The following UGT1A7 variants were observed in gnomAD, a reference collection of about 807,000 sequenced individuals.
UGT1A7 encodes the protein UDP-glucuronosyltransferase 1A7.
A neutral mutation model predicts 45.6 loss-of-function variants in UGT1A7; 33 were observed. That is an observed-to-expected ratio of 0.72 (90% confidence interval 0.55 to 0.97). The LOEUF is 0.97. Ranked by LOEUF, UGT1A7 falls within the 50% of genes least tolerant of loss-of-function variation. UGT1A7 has a pLI of 0.00. For synonymous variants in UGT1A7, 274 were observed against 250.6 expected (o/e 1.09, Z -0.88); for missense variants, 684 against 666.2 (o/e 1.03, Z -0.29).
intron 1 of UGT1A7, among the ~76,000 whole-genome samples, chr2:233,738,389 G>A (rs1690778060): frequency 6.6e-6 from 1 of 152,226 alleles, no homozygotes; most frequent in Non-Finnish European, 1.5e-5. Context: ...AAATGTGGAA[G>A]TGACTTGGAA....
intron 1 of UGT1A7, among the ~76,000 whole-genome samples, chr2:233,759,163 C>T (rs28899472): frequency 0.024 from 3,618 of 152,322 alleles, 42 homozygotes; most frequent in Non-Finnish European, 0.031. Flanking sequence ...GAACACAAGG[C>T]AGGCAGGTTT....
At chr2:233,725,059 C>T (rs1273678780) in intron 1 of UGT1A7, among the ~76,000 whole-genome samples, 8 of 146,980 alleles carry the variant, frequency 5.4e-5, no homozygotes, top group African/African-American at 1.0e-4. Flanking sequence ...TGGCGGCGCG[C>T]GCCTGCAATC....
chr2:233,746,290 CTT>C (rs1389294286), intron 1 of UGT1A7, among the ~76,000 whole-genome samples: 2 of 151,596 alleles, frequency 1.3e-5, no homozygotes, highest in Non-Finnish European at 2.9e-5. Flanking sequence ...AGGAAGGTGG[CTT>C]TGTTTCCCTT....
Position 233,757,558 on chromosome 2 carries a change from A to ATATATATATG in UGT1A7, c.856-9473_856-9472insATATATGTAT, listed in dbSNP as rs1553619909. ...GGAATATATATATATATATATATAT[A>ATATATATATG]TATGTATATATGATATAGCTATAGT... On this transcript the variant is annotated intron_variant, in intron 1 of 4. Transcript: ENST00000373426. 2.4e-5 allele frequency among the ~76,000 whole-genome samples: 3 copies of ATATATATATG among 124,458 alleles called. No homozygotes were observed. In the East Asian group the frequency reaches 6.3e-4, roughly 26 times the overall value. 81.6% of individuals were successfully genotyped at this position (124,458 alleles called of 152,430 possible). A position where few individuals can be genotyped will look rare whatever the true frequency, so the allele number is the denominator to read the frequency against.
In UGT1A7 at chr2:233,754,904, A is replaced by C. The variant is rs113535606; in HGVS notation, c.856-12130A>C. On this transcript the variant is annotated intron_variant, in intron 1 of 4. Coordinates refer to ENST00000373426, the MANE Select transcript of UGT1A7 (RefSeq NM_019077.3). ...CCAGGGAGTTCCTCTGACCCCCCAA[A>C]ATATTCTCCAGCGGGTTTCCCAAGA... 1.2e-5 allele frequency: 16 copies of C among 1,351,372 alleles called. No homozygotes were observed. In the African/African-American group the frequency reaches 1.3e-4, roughly 11 times the overall value. The allele number at this position is 1,351,372 out of a possible 1,614,324, so 83.7% of individuals were successfully genotyped here. A position where few individuals can be genotyped will look rare whatever the true frequency, so the allele number is the denominator to read the frequency against.
chr2:233,727,233 T>C (rs17864698), intron 1 of UGT1A7, among the ~76,000 whole-genome samples: 72 of 152,246 alleles, frequency 4.7e-4, no homozygotes, highest in Non-Finnish European at 7.8e-4. Context: ...TGCGGATGGC[T>C]CCAAGTCTAT....
At position 233,768,369 on chromosome 2, in the gene UGT1A7, A is replaced by T. The variant is rs1156645272; in HGVS notation, c.1225A>T (p.Thr409Ser). 8.1e-6 allele frequency: 13 copies of T among 1,614,034 alleles called. No homozygotes were observed. The South Asian group carries it at 1.1e-4, about 14-fold the overall frequency. Residue 409 changes from threonine to serine, a missense_variant, in exon 4 of 5, where the codon ACC (threonine) becomes TCC (serine). Thr to Ser is a moderately conservative substitution (Grantham distance 58). Coordinates refer to ENST00000373426, the MANE Select transcript of UGT1A7 (RefSeq NM_019077.3). ...CATGGAGACTAAGGGAGCTGGAGTG[A>T]CCCTGAATGTTCTGGAAATGACTTC... Reference protein sequence around the residue: ...KRMETKGAGVTLNVLEMTSED... With the variant: ...KRMETKGAGVSLNVLEMTSED...
rs1226990386 is a variant in UGT1A7, at chr2:233,682,569, T to C, written c.632T>C (p.Ile211Thr). ...MTFKERVWNH[I>T]MHLEEHLFCP... ...TTCAAGGAGAGAGTATGGAACCACA[T>C]CATGCACTTGGAGGAACATTTATTT... The change falls in exon 1 of 5, where the codon ATC (isoleucine) becomes ACC (threonine). Residue 211 changes from isoleucine (I) to threonine (T), a missense_variant. Ile to Thr is a moderately conservative substitution (Grantham distance 89). Coordinates refer to ENST00000373426, the MANE Select transcript of UGT1A7 (RefSeq NM_019077.3). The C allele has an allele frequency of 4.3e-6, 7 of 1,613,850 alleles. No homozygotes were observed. The highest frequency in any genetic ancestry group is 5.9e-6 in the Non-Finnish European group (7 of 1,179,846).
chr2:233,708,284 A>C (rs1440900276), intron 1 of UGT1A7, among the ~76,000 whole-genome samples: 1 of 152,172 alleles, frequency 6.6e-6, no homozygotes, highest in Non-Finnish European at 1.5e-5. Flanking sequence ...ATTATCATCA[A>C]ATGCTTTCAG....
intron 1 of UGT1A7, among the ~76,000 whole-genome samples, chr2:233,710,674 T>G (rs938811866): frequency 9.9e-5 from 15 of 152,206 alleles, no homozygotes; most frequent in Non-Finnish European, 2.2e-4. Context: ...CAGATAGTTG[T>G]GTTTCTGTTT....
chr2:233,714,943 C>T (rs2076424694), intron 1 of UGT1A7, among the ~76,000 whole-genome samples: 1 of 152,186 alleles, frequency 6.6e-6, no homozygotes, highest in Non-Finnish European at 1.5e-5. Context: ...GTGGTGGGAT[C>T]TTGGCTCATT....
intron 1 of UGT1A7, chr2:233,691,380 T>C (rs1212630803): frequency 3.0e-6 from 3 of 985,440 alleles, no homozygotes; most frequent in Non-Finnish European, 3.6e-6. Context: ...CTGGTTATGT[T>C]CCCCATGGGG....
intron 1 of UGT1A7, among the ~76,000 whole-genome samples, chr2:233,703,815 T>A (rs2075754424): frequency 1.3e-5 from 2 of 150,786 alleles, no homozygotes; most frequent in African/African-American, 4.9e-5. Context: ...ATCTCTGTCT[T>A]TTAATTGAGT....
At chr2:233,753,361 T>G (rs1274018871) in intron 1 of UGT1A7, 1 of 152,246 alleles carries the variant, frequency 6.6e-6, no homozygotes, top group Admixed American at 6.5e-5. Context: ...ATTACTTGGG[T>G]GCCATTCCAT....
intron 1 of UGT1A7, among the ~76,000 whole-genome samples, chr2:233,699,007 A>G (rs575733122): frequency 6.6e-6 from 1 of 152,240 alleles, no homozygotes; most frequent in Non-Finnish European, 1.5e-5. Context: ...CTGTAAGAAC[A>G]TGAGAGGCTG....
intron 1 of UGT1A7, among the ~76,000 whole-genome samples, chr2:233,720,622 C>T (rs1468465541): frequency 1.3e-5 from 2 of 151,716 alleles, no homozygotes; most frequent in African/African-American, 4.8e-5. Context: ...ATTTGGGTTT[C>T]ATTGAAATAG....
intron 1 of UGT1A7, among the ~76,000 whole-genome samples, chr2:233,720,593 A>G (rs12468543): frequency 0.08 from 12,154 of 152,072 alleles, 627 homozygotes; most frequent in East Asian, 0.2. Context: ...TTCAGAGGTG[A>G]CTTTCATTAA....
intron 1 of UGT1A7, chr2:233,747,485 C>T: frequency 6.2e-7 from 1 of 1,608,768 alleles, no homozygotes; most frequent in Non-Finnish European, 8.5e-7. Flanking sequence ...AATTTGATCG[C>T]CTTGTGCTGG....
chr2:233,759,378 C>T (rs906522518), intron 1 of UGT1A7, among the ~76,000 whole-genome samples: 2 of 152,128 alleles, frequency 1.3e-5, no homozygotes, highest in African/African-American at 2.4e-5. Flanking sequence ...TACAGGTTTT[C>T]AGGATACTCA....
Sources: gnomAD v4.1 joint callset for allele counts (sites outside exome capture counted in the v4.1 genomes callset) on GRCh38, gnomAD v4.1.1 for gene constraint, MANE v1.5 for transcripts, NCBI Gene and HGNC (gene_info 2026-07-23, HGNC 2026-07-21) for gene names.